EFCAB5: variants seen among roughly 807,000 people sequenced by gnomAD.
EFCAB5 encodes the protein EF-hand calcium binding domain 5.
In EFCAB5, 131 loss-of-function variants were observed where a neutral mutation model predicts 167.9. That is an observed-to-expected ratio of 0.78 (90% CI 0.68 to 0.90). The LOEUF (loss-of-function observed/expected upper bound fraction) is 0.90. Ranked by LOEUF, EFCAB5 falls within the 40% of genes least tolerant of loss-of-function variation. EFCAB5 has a pLI of 0.00. For synonymous variants in EFCAB5, 574 were observed against 602.8 expected, an observed-to-expected ratio of 0.95 and a Z score of 0.70; for missense variants, 1,663 against 1,745.2, an observed-to-expected ratio of 0.95 and a Z score of 0.84.
chr17:29,941,382 T>A (rs1212861244), upstream of EFCAB5, among the ~76,000 whole-genome samples: 1 of 152,256 alleles, frequency 6.6e-6, no homozygotes, highest in Non-Finnish European at 1.5e-5. Context: ...CTATTCTCTA[T>A]CTACCTTTCT....
At position 30,108,208 on chromosome 17, in the gene EFCAB5, AC is replaced by A; in HGVS notation, c.*187del. 1 of 574,204 alleles carries A rather than the reference AC, an allele frequency of 1.7e-6. No individual in the cohort carries two copies. The highest frequency in any genetic ancestry group is 2.8e-6 in the Non-Finnish European group (1 of 353,158). 35.6% of individuals were successfully genotyped at this position (574,204 alleles called of 1,614,324 possible). ...CTAAGAAGAAATTTAGCCAAAAAATACCCAGCTAAGGTAGCCATAGCCAAGT... is the reference window on the plus strand; with the variant it reads ...CTAAGAAGAAATTTAGCCAAAAAATACCAGCTAAGGTAGCCATAGCCAAGT... On this transcript the variant is annotated 3_prime_UTR_variant, in exon 23 of 23. Transcript: ENST00000394835.
At chr17:29,978,871 T>A (rs2151602310) in intron 4 of EFCAB5, among the ~76,000 whole-genome samples, 1 of 152,366 alleles carries the variant, frequency 6.6e-6, no homozygotes, top group South Asian at 2.1e-4. Context: ...AGACCTTATA[T>A]GCAATTGCTT....
chr17:30,091,118 T>G (rs1392605781), intron 20 of EFCAB5, among the ~76,000 whole-genome samples: 1 of 152,202 alleles, frequency 6.6e-6, no homozygotes, highest in African/African-American at 2.4e-5. Context: ...CTCTTCCCAC[T>G]ATGTTATACA....
At chr17:30,041,987 T>A (rs977488333) in intron 8 of EFCAB5, among the ~76,000 whole-genome samples, 3 of 152,120 alleles carry the variant, frequency 2.0e-5, no homozygotes, top group African/African-American at 7.2e-5. Context: ...GAGCACTTAA[T>A]AGACTACAGT....
At chr17:29,940,373 G>A (rs1377770422), upstream of EFCAB5, among the ~76,000 whole-genome samples, 6 of 152,004 alleles carry the variant, frequency 3.9e-5, no homozygotes, top group Admixed American at 6.6e-5. Flanking sequence ...CCCTGCGCCC[G>A]GACTAAACTG....
chr17:30,094,630 T>C (rs1053269952), intron 22 of EFCAB5, among the ~76,000 whole-genome samples: 2 of 151,540 alleles, frequency 1.3e-5, no homozygotes, highest in African/African-American at 4.9e-5. Flanking sequence ...TGCTGTGAAA[T>C]GTGATCATGC....
Position 30,055,973 on chromosome 17 carries a change from C to T in EFCAB5, c.2272+8C>T, listed in dbSNP as rs777168377. 6.2e-7 allele frequency: 1 copy of T among 1,613,586 alleles called. No homozygotes were observed. The highest frequency in any genetic ancestry group is 8.5e-7 in the Non-Finnish European group (1 of 1,179,714). On this transcript the variant is annotated splice_region_variant and intron_variant, in intron 11 of 22. Coordinates refer to ENST00000394835, the MANE Select transcript of EFCAB5 (RefSeq NM_198529.4). ...AAGGAAAGTCATGGTCAGGTAACTC[C>T]TCATTTAATCCTCCTTTCATTTATA...
Position 30,057,668 on chromosome 17 carries a change from C to A in EFCAB5, c.2366-8C>A. The A allele has an allele frequency of 6.2e-7, 1 of 1,606,744 alleles. No homozygotes were observed. The highest frequency in any genetic ancestry group is 8.5e-7 in the Non-Finnish European group (1 of 1,174,510). On this transcript the variant is annotated splice_polypyrimidine_tract_variant and splice_region_variant and intron_variant, in intron 12 of 22. Transcript: ENST00000394835. ...CTTTACTGCTTGGTAATGTTTCTTG[C>A]TTGACAGATTTACACTCAATTATCA...
At chr17:30,089,089 C>CT (rs886961304) in intron 19 of EFCAB5, among the ~76,000 whole-genome samples, 31 of 152,142 alleles carry the variant, frequency 2.0e-4, no homozygotes, top group African/African-American at 7.2e-4. Context: ...ATCCCTCCCC[C>CT]TTCCCTCCAC....
upstream of EFCAB5, among the ~76,000 whole-genome samples, chr17:29,939,432 G>C (rs1390434842): frequency 6.6e-6 from 1 of 152,192 alleles, no homozygotes; most frequent in African/African-American, 2.4e-5. Flanking sequence ...AAACAAGAGA[G>C]TGAGCCTATC....
chr17:30,043,913 G>A (rs2069845002), intron 8 of EFCAB5, among the ~76,000 whole-genome samples: 1 of 152,090 alleles, frequency 6.6e-6, no homozygotes, highest in Non-Finnish European at 1.5e-5. Flanking sequence ...ACTCACAACA[G>A]CCAAAACCAT....
chr17:30,065,390 G>A (rs913545739), intron 14 of EFCAB5, among the ~76,000 whole-genome samples: 27 of 152,230 alleles, frequency 1.8e-4, no homozygotes, highest in South Asian at 6.2e-4. Flanking sequence ...CTGGCCAGGC[G>A]CGGTGGCTCA....
At chr17:30,065,888 A>G (rs564625711) in intron 14 of EFCAB5, among the ~76,000 whole-genome samples, 2 of 152,348 alleles carry the variant, frequency 1.3e-5, no homozygotes, top group South Asian at 2.1e-4. Context: ...AAAGAGATCA[A>G]TTCAGCAAGT....
chr17:30,087,945 G>A (rs2071120859), intron 19 of EFCAB5, among the ~76,000 whole-genome samples: 1 of 152,098 alleles, frequency 6.6e-6, no homozygotes, highest in Non-Finnish European at 1.5e-5. Flanking sequence ...CCACAGTCTT[G>A]CCAGCATCTC....
chr17:30,045,101 T>C (rs1046575784), intron 8 of EFCAB5, among the ~76,000 whole-genome samples: 2 of 152,024 alleles, frequency 1.3e-5, no homozygotes, highest in African/African-American at 4.8e-5. Flanking sequence ...GGAAAAGTAA[T>C]TTACAACAAT....
Position 29,993,160 on chromosome 17 carries a change from T to C in EFCAB5, c.768-5T>C. ...CAACATGTTTTCTATATCTACATCC[T>C]GCAGAGTATCCAAGATGAAGGAGAA... On this transcript the variant is annotated splice_region_variant and splice_polypyrimidine_tract_variant and intron_variant, in intron 4 of 22. Coordinates refer to ENST00000394835, the MANE Select transcript of EFCAB5 (RefSeq NM_198529.4). 1.2e-6 allele frequency: 2 copies of C among 1,605,796 alleles called. No individual in the cohort carries two copies. The highest frequency in any genetic ancestry group is 1.7e-6 in the Non-Finnish European group (2 of 1,175,738).
At chr17:30,073,409 C>CA (rs1177918871) in intron 14 of EFCAB5, among the ~76,000 whole-genome samples, 2 of 152,170 alleles carry the variant, frequency 1.3e-5, no homozygotes, top group Non-Finnish European at 2.9e-5. Context: ...AAGAATTTTA[C>CA]AGCAAGTACC....
intron 3 of EFCAB5, among the ~76,000 whole-genome samples, chr17:29,950,913 A>G (rs1224623174): frequency 6.6e-6 from 1 of 152,226 alleles, no homozygotes; most frequent in African/African-American, 2.4e-5. Context: ...GGTCAACTGT[A>G]CATTAGAACC....
At chr17:30,068,845 G>T (rs2070651272) in intron 14 of EFCAB5, 2 of 1,415,542 alleles carry the variant, frequency 1.4e-6, no homozygotes, top group Non-Finnish European at 2.0e-6. Context: ...ACACAGGAAA[G>T]ATTATATTAA....
Sources: allele counts gnomAD v4.1 joint callset (sites outside exome capture counted in the v4.1 genomes callset), GRCh38; gene constraint gnomAD v4.1.1; transcripts MANE v1.5; gene names NCBI Gene and HGNC (gene_info 2026-07-23, HGNC 2026-07-21).